The following TMEM192 variants were observed in gnomAD, a reference collection of about 807,000 sequenced individuals.
TMEM192 encodes the protein transmembrane protein 192.
Under a neutral mutation model 26.7 loss-of-function variants are expected in TMEM192, and 20 were observed. The observed-to-expected ratio is 0.75, with a 90% CI of 0.53 to 1.09. TMEM192 has a LOEUF of 1.09. Among genes scored for constraint, TMEM192 ranks in the 50% least tolerant of loss-of-function variants. The pLI is 0.00. For missense variants in TMEM192, 304 were observed against 322.6 expected, an observed-to-expected ratio of 0.94 and a Z score of 0.44; for synonymous variants, 124 against 121.0, an observed-to-expected ratio of 1.02 and a Z score of -0.16.
chr4:165,099,205 G>A (rs1323597212), intron 3 of TMEM192, among the ~76,000 whole-genome samples: 1 of 145,996 alleles, frequency 6.8e-6, no homozygotes, highest in East Asian at 2.1e-4. Flanking sequence ...TCCCACCTCA[G>A]CTTCCAGAGT....
Position 165,085,301 on chromosome 4 carries a change from A to G in TMEM192, c.677+285T>C, listed in dbSNP as rs547654969. On this transcript the variant is annotated intron_variant, in intron 5 of 5. Coordinates refer to ENST00000306480, the MANE Select transcript of TMEM192 (RefSeq NM_001100389.2). ...AAAAAAAAAAAAAAAAAAGACACCT[A>G]TAAAAAAAGGTGCTTCAAGGAGGGA... 2.2e-4 allele frequency among the ~76,000 whole-genome samples: 33 copies of G among 150,930 alleles called. No homozygotes were observed. In the East Asian group the frequency reaches 6.0e-3, roughly 28 times the overall value.
chr4:165,092,826 A>G (rs184822913), intron 3 of TMEM192, among the ~76,000 whole-genome samples: 3 of 152,194 alleles, frequency 2.0e-5, no homozygotes, highest in Admixed American at 1.3e-4. Context: ...GAGCTATGAC[A>G]GCACAAATGA....
intron 3 of TMEM192, among the ~76,000 whole-genome samples, chr4:165,098,096 T>G (rs1285428165): frequency 1.3e-5 from 2 of 151,812 alleles, no homozygotes; most frequent in African/African-American, 4.8e-5. Context: ...GCTGAGATGC[T>G]AGCATTACAG....
At position 165,077,839 on chromosome 4, in the gene TMEM192, C is replaced by G. The variant is rs549477449; in HGVS notation, c.*1819G>C. 6.7e-6 allele frequency: 1 copy of G among 148,950 alleles called. No individual in the cohort carries two copies. The highest frequency in any genetic ancestry group is 2.5e-5 in the African/African-American group (1 of 40,450). 9.2% of individuals were successfully genotyped at this position (148,950 alleles called of 1,614,324 possible). The stretch of plus-strand genomic sequence containing the variant: ...AAACAACAACAAAAAAAAAAACCCC[C>G]AAAAAACAAAAAAAAACGGAAGGGA... On this transcript the variant is annotated 3_prime_UTR_variant, in exon 6 of 6. Coordinates refer to ENST00000306480, the MANE Select transcript of TMEM192 (RefSeq NM_001100389.2).
At position 165,102,975 on chromosome 4, in the gene TMEM192, A is replaced by G. The variant is rs754184538; in HGVS notation, c.149T>C (p.Ile50Thr). The stretch of plus-strand genomic sequence containing the variant: ...ATGAATAAACCACAGAAGATTCACT[A>G]TGATGACTGTAGGAAGAGGATGGAA... ...PRFHPLPTVI[I>T]VNLLWFIHLV... is the part of the protein sequence containing the mutation. The change falls in exon 2 of 6, where the codon ATA becomes ACA. Residue 50 changes from isoleucine (I) to threonine (T), a missense_variant. Physicochemically the swap from Ile to Thr is moderately conservative, Grantham distance 89. Coordinates refer to ENST00000306480, the MANE Select transcript of TMEM192 (RefSeq NM_001100389.2). The G allele has an allele frequency of 2.5e-6, 4 of 1,612,792 alleles. No homozygotes were observed. The South Asian group carries it at 4.4e-5, about 18-fold the overall frequency.
rs1734337248 is a variant in TMEM192 at position 165,074,723 on chromosome 4, G to A, written c.*4935C>T. 6.6e-6 allele frequency: 1 copy of A among 152,024 alleles called. No homozygotes were observed. Among genetic ancestry groups the A allele is most frequent in the Non-Finnish European group, 1.5e-5 (1 of 68,074 alleles). 9.4% of individuals were successfully genotyped at this position (152,024 alleles called of 1,614,324 possible). ...CTCCCAAAGTGCTGGAATTACCGGT[G>A]TGAGCCACTGCGCCCAGCCTTAATT... On this transcript the variant is annotated 3_prime_UTR_variant, in exon 6 of 6. Transcript: ENST00000306480.
chr4:165,096,570 G>A (rs1366344281), intron 3 of TMEM192, among the ~76,000 whole-genome samples: 2 of 150,676 alleles, frequency 1.3e-5, no homozygotes, highest in Non-Finnish European at 2.9e-5. Context: ...TCAGGCTGAA[G>A]TTAATATTAT....
At chr4:165,088,873 T>C (rs969744502) in intron 3 of TMEM192, among the ~76,000 whole-genome samples, 1 of 151,202 alleles carries the variant, frequency 6.6e-6, no homozygotes, top group Non-Finnish European at 1.5e-5. Flanking sequence ...ACCCCATCTC[T>C]ATAAAAAAAT....
Position 165,076,289 on chromosome 4 carries a change from G to A in TMEM192, c.*3369C>T, listed in dbSNP as rs2111253241. On this transcript the variant is annotated 3_prime_UTR_variant, in exon 6 of 6. Coordinates refer to ENST00000306480, the MANE Select transcript of TMEM192 (RefSeq NM_001100389.2). ...CCCTAGTTCAGGGCCATATCTTTCT[G>A]CCACACATATTTCCTCCATATTGAA... 6.6e-6 allele frequency: 1 copy of A among 152,116 alleles called. No homozygotes were observed. The highest frequency in any genetic ancestry group is 2.4e-5 in the African/African-American group (1 of 41,466). The allele number at this position is 152,116 out of a possible 1,614,324, so 9.4% of individuals were successfully genotyped here.
At chr4:165,103,120 C>G (rs369447166) in intron 1 of TMEM192, 24 bp from the exon 2 acceptor site, 4 of 1,575,496 alleles carry the variant, frequency 2.5e-6, no homozygotes, top group African/African-American at 1.4e-5. Flanking sequence ...AAACAAGCAA[C>G]CTATAATCAC....
intron 5 of TMEM192, among the ~76,000 whole-genome samples, chr4:165,085,002 A>G (rs1025428356): frequency 6.7e-6 from 1 of 150,348 alleles, no homozygotes; most frequent in African/African-American, 2.4e-5. Flanking sequence ...AGGCCGGGCG[A>G]GGTGGCTCAC....
chr4:165,109,767 C>A (rs899456891), intron 1 of TMEM192, among the ~76,000 whole-genome samples: 1 of 152,342 alleles, frequency 6.6e-6, no homozygotes, highest in East Asian at 1.9e-4. Context: ...TCTTCTCTCG[C>A]CTAAATGAGC....
chr4:165,109,293 C>A (rs1258344119), intron 1 of TMEM192, among the ~76,000 whole-genome samples: 3 of 152,204 alleles, frequency 2.0e-5, no homozygotes, highest in Non-Finnish European at 4.4e-5. Context: ...GTTCAATATG[C>A]GTGTTGAGAG....
chr4:165,094,699 G>A (rs1003502149), intron 3 of TMEM192, among the ~76,000 whole-genome samples: 1 of 152,016 alleles, frequency 6.6e-6, no homozygotes, highest in African/African-American at 2.4e-5. Context: ...TCTAGGCCAG[G>A]TGCAGTGGCT....
In TMEM192 at chr4:165,085,588, G is replaced by A; in HGVS notation, c.675C>T (p.Phe225=). The change falls in exon 5 of 6, where the codon TTC becomes TTT. Residue 225 remains phenylalanine, a splice_region_variant and synonymous_variant. Coordinates refer to ENST00000306480, the MANE Select transcript of TMEM192 (RefSeq NM_001100389.2). ...TTTTATTCTCACCTAAATCTTACCTGAATCCAGTCTCCGAGGTAATATTGC... is the reference window on the plus strand; with the variant it reads ...TTTTATTCTCACCTAAATCTTACCTAAATCCAGTCTCCGAGGTAATATTGC... ...YPSNITSETG[F]RTISSLEEIV... 6.2e-7 allele frequency: 1 copy of A among 1,600,084 alleles called. No individual in the cohort carries two copies. The highest frequency in any genetic ancestry group is 8.5e-7 in the Non-Finnish European group (1 of 1,173,078).
At chr4:165,098,374 C>T (rs528094560) in intron 3 of TMEM192, among the ~76,000 whole-genome samples, 6 of 152,090 alleles carry the variant, frequency 3.9e-5, no homozygotes, top group Non-Finnish European at 8.8e-5. Context: ...ATCTACCCGC[C>T]TCGGCCTCCC....
At chr4:165,095,949 A>G (rs551001462) in intron 3 of TMEM192, among the ~76,000 whole-genome samples, 2,655 of 88,596 alleles carry the variant, frequency 0.03, 38 homozygotes, top group South Asian at 0.06. Flanking sequence ...ATGCCCAGCT[A>G]ATTTTTTTTT....
Position 165,102,766 on chromosome 4 carries a change from TAAGTAA to T in TMEM192, c.174+178_174+183del, listed in dbSNP as rs1735066226. On this transcript the variant is annotated intron_variant, in intron 2 of 5. Transcript: ENST00000306480. ...ATCCACAATGAATTATTTGAAGATA[TAAGTAA>T]AAGTGTACGTACTTTTTTTTTTTTT... 4.1e-5 allele frequency among the ~76,000 whole-genome samples: 6 copies of T among 146,074 alleles called. No homozygotes were observed. The Admixed American group carries it at 4.3e-4, about 11-fold the overall frequency.
At chr4:165,079,860 A>T (rs1578897621) in intron 5 of TMEM192, 64 bp from the exon 6 acceptor site, 2 of 1,500,334 alleles carry the variant, frequency 1.3e-6, no homozygotes, top group East Asian at 4.9e-5. Flanking sequence ...TGTCTTTGCA[A>T]ATGAGTACCT....
Sources: allele counts gnomAD v4.1 joint callset (sites outside exome capture counted in the v4.1 genomes callset), GRCh38; gene constraint gnomAD v4.1.1; transcripts MANE v1.5; gene names NCBI Gene and HGNC (gene_info 2026-07-23, HGNC 2026-07-21).